The following XKR9 variants were observed in gnomAD, a reference collection of about 807,000 sequenced individuals.
XKR9 encodes XK related 9, also known as XK-related protein 9.
XKR9 carries 32 observed loss-of-function variants against 32.0 expected under a neutral mutation model. That is an observed-to-expected ratio of 1.00 (90% CI 0.76 to 1.34). The LOEUF (loss-of-function observed/expected upper bound fraction) is 1.34. XKR9 is among the 40% of genes most tolerant of loss of function. The probability of loss-of-function intolerance (pLI) is 0.00; values close to 1 mark genes in which losing one functional copy is unlikely to be tolerated. For missense variants in XKR9, 546 were observed against 429.7 expected (o/e 1.27, Z -2.39); for synonymous variants, 168 against 143.4 (o/e 1.17, Z -1.22).
the XKR9 span, among the ~76,000 whole-genome samples, chr8:71,060,207 A>T: frequency 6.6e-6 from 1 of 152,220 alleles, no homozygotes; most frequent in South Asian, 2.1e-4. Flanking sequence ...TGGATGTTGA[A>T]GTTGGCCTGT....
At chr8:70,755,906 A>G (rs113491621) in intron 2 of XKR9, among the ~76,000 whole-genome samples, 37 of 152,050 alleles carry the variant, frequency 2.4e-4, no homozygotes, top group African/African-American at 8.4e-4. Flanking sequence ...AACTTAAAGT[A>G]TAATAATAAT....
chr8:70,923,507 A>G, the XKR9 span, among the ~76,000 whole-genome samples: 8 of 152,364 alleles, frequency 5.3e-5, no homozygotes, highest in Admixed American at 2.6e-4. Context: ...CTCAAGCTTC[A>G]GATCCTTGTA....
rs151200362 is a variant in XKR9, at chr8:70,772,332, G to A, written n.353-17007G>A. Among the ~76,000 whole-genome samples the A allele has an allele frequency of 5.8e-3, 883 of 152,262 alleles. 3 individuals are homozygous for A. Among genetic ancestry groups the A allele is most frequent in the Non-Finnish European group, 9.5e-3 (645 of 68,014 alleles). Reference sequence around the variant, plus strand: ...TGAAAGAGAACACACAGGAAAAGATGCACCTCTCTTTTTAGTGATATATGT... The same window carrying A: ...TGAAAGAGAACACACAGGAAAAGATACACCTCTCTTTTTAGTGATATATGT... On this transcript the variant is annotated intron_variant and non_coding_transcript_variant, in intron 2 of 3. Transcript: ENST00000520273.
chr8:71,062,109 T>C, the XKR9 span, among the ~76,000 whole-genome samples: 1 of 152,212 alleles, frequency 6.6e-6, no homozygotes, highest in Admixed American at 6.5e-5. Flanking sequence ...AAGAGCTTAT[T>C]TTCTCAGGCA....
the XKR9 span, among the ~76,000 whole-genome samples, chr8:71,015,047 A>C: frequency 6.6e-6 from 1 of 152,188 alleles, no homozygotes. Flanking sequence ...CACAAGAATA[A>C]GGCAGAGGAG....
the XKR9 span, among the ~76,000 whole-genome samples, chr8:70,912,436 T>C: frequency 6.6e-6 from 1 of 152,092 alleles, no homozygotes; most frequent in East Asian, 1.9e-4. Flanking sequence ...ATAAAATAAA[T>C]AGGATTTGAA....
the XKR9 span, among the ~76,000 whole-genome samples, chr8:71,018,254 A>G: frequency 1.3e-5 from 2 of 152,198 alleles, no homozygotes; most frequent in African/African-American, 2.4e-5. Context: ...GTGCTTCAGC[A>G]TATAGGCATA....
At chr8:71,051,767 G>T in the XKR9 span, among the ~76,000 whole-genome samples, 1 of 152,218 alleles carries the variant, frequency 6.6e-6, no homozygotes, top group African/African-American at 2.4e-5. Context: ...AGGAGAAAAT[G>T]CTCTGTTAAA....
At chr8:70,740,533 G>GGAC (rs1283847118), downstream of XKR9, among the ~76,000 whole-genome samples, 4 of 152,062 alleles carry the variant, frequency 2.6e-5, no homozygotes, top group Non-Finnish European at 5.9e-5. Flanking sequence ...CTTTGGAGGA[G>GGAC]AGGTGCTCTG....
chr8:71,009,751 A>C, the XKR9 span, among the ~76,000 whole-genome samples: 1 of 152,228 alleles, frequency 6.6e-6, no homozygotes, highest in Non-Finnish European at 1.5e-5. Context: ...TCCCATTCCC[A>C]GAATCTAGGC....
chr8:70,908,208 T>C, the XKR9 span, among the ~76,000 whole-genome samples: 2 of 103,910 alleles, frequency 1.9e-5, no homozygotes, highest in Non-Finnish European at 4.7e-5. Flanking sequence ...TAGTAAACTT[T>C]TACCTGACTA....
chr8:70,792,510 A>T (rs1807777193), downstream of XKR9, among the ~76,000 whole-genome samples: 1 of 152,128 alleles, frequency 6.6e-6, no homozygotes, highest in Admixed American at 6.6e-5. Flanking sequence ...AAATGAGGAA[A>T]TCAATCAGTC....
At chr8:71,052,398 T>C in the XKR9 span, among the ~76,000 whole-genome samples, 11 of 152,098 alleles carry the variant, frequency 7.2e-5, no homozygotes, top group Non-Finnish European at 1.6e-4. Flanking sequence ...AACTTGTCTT[T>C]ATATGGTTTT....
chr8:70,761,603 T>C (rs550853617), intron 2 of XKR9, among the ~76,000 whole-genome samples: 8 of 152,334 alleles, frequency 5.3e-5, no homozygotes, highest in African/African-American at 1.9e-4. Context: ...TATTAGACCT[T>C]TGTCAGATGC....
chr8:70,981,201 G>A, the XKR9 span, among the ~76,000 whole-genome samples: 1 of 152,186 alleles, frequency 6.6e-6, no homozygotes, highest in Non-Finnish European at 1.5e-5. Flanking sequence ...CAAGGCCACA[G>A]AAGTTTTCCT....
chr8:70,985,415 G>A, the XKR9 span, among the ~76,000 whole-genome samples: 1 of 152,132 alleles, frequency 6.6e-6, no homozygotes, highest in East Asian at 1.9e-4. Flanking sequence ...TATCATTGAT[G>A]GGCATTTGGG....
the XKR9 span, among the ~76,000 whole-genome samples, chr8:70,947,323 T>C: frequency 6.6e-6 from 1 of 152,164 alleles, no homozygotes; most frequent in Admixed American, 6.5e-5. Flanking sequence ...ATATTAAAAG[T>C]TCCCTTTTCG....
At chr8:71,033,589 C>A in the XKR9 span, among the ~76,000 whole-genome samples, 8 of 152,084 alleles carry the variant, frequency 5.3e-5, no homozygotes, top group African/African-American at 1.7e-4. Flanking sequence ...AGGTGGATCC[C>A]TCATGAATAG....
At chr8:70,929,242 C>T in the XKR9 span, among the ~76,000 whole-genome samples, 16 of 152,088 alleles carry the variant, frequency 1.1e-4, no homozygotes, top group African/African-American at 3.9e-4. Context: ...AGCTAGCAGA[C>T]ACAAGGGGCT....
Sources: allele counts gnomAD v4.1 joint callset (sites outside exome capture counted in the v4.1 genomes callset), GRCh38; gene constraint gnomAD v4.1.1; transcripts MANE v1.5; gene names NCBI Gene and HGNC (gene_info 2026-07-23, HGNC 2026-07-21).